The following FAM185A variants were observed in gnomAD, a reference collection of about 807,000 sequenced individuals.
The protein encoded by FAM185A is protein FAM185A.
In FAM185A, 21 loss-of-function variants were observed where a neutral mutation model predicts 45.7. The ratio of observed to expected loss-of-function variants is 0.46; its 90% CI spans 0.33 to 0.66. FAM185A has a LOEUF of 0.66. Ranked by LOEUF, FAM185A falls within the 30% of genes least tolerant of loss-of-function variation. The pLI is 0.03. For missense variants in FAM185A, 305 were observed against 485.4 expected (o/e 0.63, Z 3.49); for synonymous variants, 117 against 194.0 (o/e 0.60, Z 3.30).
chr7:102,790,415 C>G (rs1204475973), intron 7 of FAM185A, among the ~76,000 whole-genome samples: 65 of 152,134 alleles, frequency 4.3e-4, no homozygotes, highest in Admixed American at 4.3e-3. Context: ...GACTGGATAT[C>G]AAATATAGTG....
At chr7:102,794,033 C>CT (rs1389921327) in intron 7 of FAM185A, among the ~76,000 whole-genome samples, 2 of 95,370 alleles carry the variant, frequency 2.1e-5, no homozygotes, top group Non-Finnish European at 3.8e-5. Context: ...GAGACTCTGT[C>CT]TCAAAAAAAA....
the FAM185A span, chr7:102,832,749 C>A: frequency 7.1e-7 from 1 of 1,402,292 alleles, no homozygotes; most frequent in Non-Finnish European, 9.4e-7. Context: ...GCAAAGAGAA[C>A]ATATTCTGAG....
intron 7 of FAM185A, among the ~76,000 whole-genome samples, chr7:102,797,296 A>G (rs1796488952): frequency 6.6e-6 from 1 of 151,998 alleles, no homozygotes; most frequent in Non-Finnish European, 1.5e-5. Context: ...CCCCATTTCT[A>G]CTAAAAATAC....
At chr7:102,781,673 A>G (rs1355809651) in intron 6 of FAM185A, among the ~76,000 whole-genome samples, 2 of 152,226 alleles carry the variant, frequency 1.3e-5, no homozygotes, top group Non-Finnish European at 2.9e-5. Context: ...ACCATCATCA[A>G]AGACCAAAGG....
chr7:102,825,313 A>T, the FAM185A span, among the ~76,000 whole-genome samples: 1 of 152,198 alleles, frequency 6.6e-6, no homozygotes, highest in African/African-American at 2.4e-5. Flanking sequence ...TTAACCTGTT[A>T]TCATGAGAGT....
At chr7:102,751,531 G>T (rs1456835432) in intron 1 of FAM185A, among the ~76,000 whole-genome samples, 161 bp from the exon 2 acceptor site, 4 of 147,842 alleles carry the variant, frequency 2.7e-5, no homozygotes, top group African/African-American at 7.5e-5. Context: ...TATTGTTTTT[G>T]GTCCCGTTGC....
chr7:102,753,584 T>C (rs79733082), intron 2 of FAM185A, among the ~76,000 whole-genome samples: 12,802 of 151,778 alleles, frequency 0.084, 779 homozygotes, highest in East Asian at 0.2. Context: ...CTCCAGACAT[T>C]GCCAAATATC....
the FAM185A span, among the ~76,000 whole-genome samples, chr7:102,841,870 G>T: frequency 6.6e-6 from 1 of 152,158 alleles, no homozygotes; most frequent in Non-Finnish European, 1.5e-5. Context: ...AAGCAGCACA[G>T]ATTTCCATAG....
At chr7:102,837,112 A>G in the FAM185A span, among the ~76,000 whole-genome samples, 1 of 152,260 alleles carries the variant, frequency 6.6e-6, no homozygotes, top group African/African-American at 2.4e-5. Flanking sequence ...ATATCCCAAG[A>G]TATCTACTTC....
At chr7:102,767,259 G>T (rs535760350) in intron 4 of FAM185A, among the ~76,000 whole-genome samples, 160 of 149,790 alleles carry the variant, frequency 1.1e-3, no homozygotes, top group Non-Finnish European at 1.8e-3. Flanking sequence ...CAGAGACTTG[G>T]CTTCCTCAGT....
intron 3 of FAM185A, among the ~76,000 whole-genome samples, chr7:102,758,610 A>G (rs182311847): frequency 7.3e-5 from 11 of 151,702 alleles, no homozygotes; most frequent in Non-Finnish European, 1.6e-4. Context: ...GTGATTGATA[A>G]TGTATCTTTG....
At chr7:102,811,054 T>C (rs1457502511), downstream of FAM185A, among the ~76,000 whole-genome samples, 2 of 152,192 alleles carry the variant, frequency 1.3e-5, no homozygotes, top group Non-Finnish European at 2.9e-5. Context: ...TTTGGTATGG[T>C]TGTGGTGTGT....
At chr7:102,808,192 G>A in intron 7 of FAM185A, 98 bp from the exon 8 acceptor site, 1 of 785,072 alleles carries the variant, frequency 1.3e-6, no homozygotes. Flanking sequence ...CAAGATTCTT[G>A]ATGTTCTAAG....
At chr7:102,818,210 A>G in the FAM185A span, among the ~76,000 whole-genome samples, 1 of 152,218 alleles carries the variant, frequency 6.6e-6, no homozygotes, top group Non-Finnish European at 1.5e-5. Context: ...AAAACAGAGC[A>G]CGTGTCTACC....
At chr7:102,830,409 A>C in the FAM185A span, among the ~76,000 whole-genome samples, 1 of 152,180 alleles carries the variant, frequency 6.6e-6, no homozygotes, top group Non-Finnish European at 1.5e-5. Flanking sequence ...TGAACGCAAG[A>C]ATCTCTGTGA....
downstream of FAM185A, among the ~76,000 whole-genome samples, chr7:102,809,483 C>A (rs1797312793): frequency 6.6e-6 from 1 of 151,998 alleles, no homozygotes; most frequent in South Asian, 2.1e-4. Context: ...CACTTGAGGT[C>A]AGGAGTTTGA....
chr7:102,755,935 G>A (rs1360416707), intron 2 of FAM185A: 7 of 633,306 alleles, frequency 1.1e-5, no homozygotes, highest in Non-Finnish European at 2.0e-5. Context: ...ACTAAACTGG[G>A]TTAAATGTAC....
chr7:102,782,020 G>A (rs1795442828), intron 6 of FAM185A, among the ~76,000 whole-genome samples: 1 of 152,220 alleles, frequency 6.6e-6, no homozygotes, highest in African/African-American at 2.4e-5. Context: ...ACAAGCCTCA[G>A]TAGCTGATTC....
chr7:102,783,171 G>A (rs4361704), intron 6 of FAM185A, among the ~76,000 whole-genome samples: 23,876 of 145,790 alleles, frequency 0.16, 2,305 homozygotes, highest in East Asian at 0.5. Flanking sequence ...AGACCTACAA[G>A]GAGACTTAGA....
Sources: gnomAD v4.1 joint callset for allele counts (sites outside exome capture counted in the v4.1 genomes callset) on GRCh38, gnomAD v4.1.1 for gene constraint, MANE v1.5 for transcripts, NCBI Gene and HGNC (gene_info 2026-07-23, HGNC 2026-07-21) for gene names.